The following PCDHA3 variants were observed in gnomAD, a reference collection of about 807,000 sequenced individuals.
PCDHA3 encodes protocadherin alpha-3.
In PCDHA3, 41 loss-of-function variants were observed where a neutral mutation model predicts 62.2. The observed-to-expected ratio is 0.66, with a 90% CI of 0.51 to 0.86. PCDHA3 has a LOEUF of 0.86. PCDHA3 is among the 40% of genes least tolerant of loss of function. PCDHA3 has a pLI of 0.00. For missense variants in PCDHA3, 1,304 were observed against 1,241.2 expected (o/e 1.05, Z -0.76); for synonymous variants, 640 against 555.4 (o/e 1.15, Z -2.14).
chr5:140,831,844 G>A (rs547068753), intron 1 of PCDHA3, among the ~76,000 whole-genome samples: 1 of 152,224 alleles, frequency 6.6e-6, no homozygotes, highest in South Asian at 2.1e-4. Context: ...TGATAGAATT[G>A]TCATAAAGCT....
At chr5:140,985,619 G>A (rs961379624) in intron 3 of PCDHA3, among the ~76,000 whole-genome samples, 1 of 152,064 alleles carries the variant, frequency 6.6e-6, no homozygotes, top group Non-Finnish European at 1.5e-5. Flanking sequence ...TGAACCAGCT[G>A]TGTATTGCTC....
At chr5:140,876,251 G>T in intron 1 of PCDHA3, 1 of 1,614,008 alleles carries the variant, frequency 6.2e-7, no homozygotes, top group South Asian at 1.1e-5. Context: ...AACGACACAA[G>T]AGTGATCCAA....
At chr5:140,853,686 T>C (rs2042832936) in intron 1 of PCDHA3, 1 of 988,118 alleles carries the variant, frequency 1.0e-6, no homozygotes, top group Middle Eastern at 5.3e-4. Flanking sequence ...CAACCTATCC[T>C]TAGACCTGCT....
intron 1 of PCDHA3, among the ~76,000 whole-genome samples, chr5:140,846,371 TTC>T (rs140960073): frequency 0.32 from 35,391 of 108,896 alleles, 6,884 homozygotes; most frequent in South Asian, 0.47. Context: ...TTTTCTTTCT[TTC>T]TTTTTTTTTT....
intron 3 of PCDHA3, among the ~76,000 whole-genome samples, chr5:141,005,570 C>T (rs2098221993): frequency 6.6e-6 from 1 of 151,052 alleles, no homozygotes; most frequent in African/African-American, 2.4e-5. Context: ...GGCATGGTGG[C>T]GCGTGCCTGT....
chr5:140,991,968 C>A (rs80040458), intron 3 of PCDHA3, among the ~76,000 whole-genome samples: 1,562 of 151,686 alleles, frequency 0.01, 27 homozygotes, highest in African/African-American at 0.036. Context: ...TTTGGTGGGG[C>A]CATTATTCTG....
chr5:140,988,500 C>T (rs1340106461), intron 3 of PCDHA3, among the ~76,000 whole-genome samples: 1 of 152,116 alleles, frequency 6.6e-6, no homozygotes, highest in Non-Finnish European at 1.5e-5. Flanking sequence ...TAGGAGAAGC[C>T]ATGAAGCTTA....
At chr5:140,915,826 T>G (rs1432367192) in intron 1 of PCDHA3, among the ~76,000 whole-genome samples, 1 of 152,134 alleles carries the variant, frequency 6.6e-6, no homozygotes, top group Non-Finnish European at 1.5e-5. Context: ...GCCCTAGGGC[T>G]CTAAGATCAG....
intron 1 of PCDHA3, among the ~76,000 whole-genome samples, chr5:140,922,177 A>C (rs1194396252): frequency 2.9e-5 from 2 of 69,034 alleles, no homozygotes; most frequent in African/African-American, 9.2e-5. Context: ...TACAGCAGAC[A>C]AAAAAAAAGT....
chr5:140,906,718 G>C (rs1554192673), intron 1 of PCDHA3, among the ~76,000 whole-genome samples: 1 of 152,140 alleles, frequency 6.6e-6, no homozygotes, highest in Admixed American at 6.5e-5. Flanking sequence ...TGCCTGGATT[G>C]TGCTGTTGTA....
intron 1 of PCDHA3, chr5:140,877,239 C>T (rs2056959197): frequency 1.9e-6 from 3 of 1,613,668 alleles, no homozygotes; most frequent in Middle Eastern, 1.7e-4. Context: ...GTGCGGGCCA[C>T]GTGGTGGCGA....
chr5:140,858,599 T>C (rs2045504873), intron 1 of PCDHA3: 1 of 1,295,538 alleles, frequency 7.7e-7, no homozygotes, highest in Non-Finnish European at 1.1e-6. Flanking sequence ...TCCAGGAGTT[T>C]TAAAATTTTT....
intron 1 of PCDHA3, among the ~76,000 whole-genome samples, chr5:140,840,016 A>G (rs1410068719): frequency 2.6e-5 from 4 of 152,124 alleles, no homozygotes; most frequent in African/African-American, 7.2e-5. Context: ...AGATTGGCTC[A>G]TGGTCACGTA....
At chr5:140,956,038 A>T in intron 1 of PCDHA3, among the ~76,000 whole-genome samples, 1 of 152,182 alleles carries the variant, frequency 6.6e-6, no homozygotes, top group South Asian at 2.1e-4. Flanking sequence ...CAGCTTAAGA[A>T]GCTTTTGGGC....
chr5:140,823,361 T>C lies in PCDHA3; in HGVS notation c.2394+19770T>C, dbSNP rs2150125012. The C allele has an allele frequency of 2.5e-6, 4 of 1,612,648 alleles. No homozygotes were observed. The South Asian group carries it at 3.3e-5, about 13-fold the overall frequency. On this transcript the variant is annotated intron_variant, in intron 1 of 3. Coordinates refer to ENST00000522353, the MANE Select transcript of PCDHA3 (RefSeq NM_018906.3). ...CCGCTGGACCACGAGGAAGTGGAGC[T>C]GCTGCAGTTCCAGGTGAGCGCGCGC...
chr5:140,921,941 A>G (rs1294349868), intron 1 of PCDHA3, among the ~76,000 whole-genome samples: 1 of 152,068 alleles, frequency 6.6e-6, no homozygotes, highest in Non-Finnish European at 1.5e-5. Context: ...ATAATTTTAC[A>G]CTTGTAAAAT....
At chr5:140,997,792 T>C (rs1279010273) in intron 3 of PCDHA3, among the ~76,000 whole-genome samples, 1 of 152,160 alleles carries the variant, frequency 6.6e-6, no homozygotes, top group African/African-American at 2.4e-5. Context: ...TATATTATAA[T>C]TTATCCAATT....
At chr5:140,892,152 C>T (rs1364975733) in intron 1 of PCDHA3, among the ~76,000 whole-genome samples, 1 of 152,118 alleles carries the variant, frequency 6.6e-6, no homozygotes, top group African/African-American at 2.4e-5. Context: ...GCGTCTATTT[C>T]TGATATGTCC....
chr5:140,849,536 T>C lies in PCDHA3; in HGVS notation c.2394+45945T>C, dbSNP rs2150439955. On this transcript the variant is annotated intron_variant, in intron 1 of 3. Transcript: ENST00000522353. ...AAGTTGTGGATGTAAATGACAATGC[T>C]CCACAGTTGACTATCAAAACGCTCT... The C allele has an allele frequency of 1.9e-6, 3 of 1,597,980 alleles. 1 individual carries two copies. Among genetic ancestry groups the C allele is most frequent in the Non-Finnish European group, 2.6e-6 (3 of 1,167,716 alleles).
Sources: gnomAD v4.1 joint callset for allele counts (sites outside exome capture counted in the v4.1 genomes callset) on GRCh38, gnomAD v4.1.1 for gene constraint, MANE v1.5 for transcripts, NCBI Gene and HGNC (gene_info 2026-07-23, HGNC 2026-07-21) for gene names.